THADA: variants seen among roughly 807,000 people sequenced by gnomAD.
The protein encoded by THADA is THADA armadillo repeat containing.
A neutral mutation model predicts 219.8 loss-of-function variants in THADA; 213 were observed. The ratio of observed to expected loss-of-function variants is 0.97; its 90% CI spans 0.87 to 1.09. The LOEUF is 1.09. THADA is among the 50% of genes least tolerant of loss of function. The pLI, the probability that THADA is intolerant of heterozygous loss-of-function variation, is 0.00. For missense variants in THADA, 2,956 were observed against 2,311.3 expected, an observed-to-expected ratio of 1.28 and a Z score of -5.72; for synonymous variants, 1,018 against 828.9, an observed-to-expected ratio of 1.23 and a Z score of -3.92.
At chr2:43,325,427 C>T (rs1008201517) in intron 30 of THADA, among the ~76,000 whole-genome samples, 6 of 152,064 alleles carry the variant, frequency 3.9e-5, no homozygotes, top group African/African-American at 1.4e-4. Context: ...TTCAGTGACA[C>T]AGTCACTGCC....
intron 26 of THADA, among the ~76,000 whole-genome samples, chr2:43,480,116 G>C (rs1327266072): frequency 6.6e-6 from 1 of 152,224 alleles, no homozygotes; most frequent in Non-Finnish European, 1.5e-5. Flanking sequence ...TCTGCAGATG[G>C]AGCTCGCTTT....
intron 26 of THADA, among the ~76,000 whole-genome samples, chr2:43,455,495 C>T (rs1682872796): frequency 1.4e-5 from 2 of 146,350 alleles, no homozygotes; most frequent in Non-Finnish European, 3.0e-5. Flanking sequence ...TGCATAAGCA[C>T]GTGCTCTCGC....
intron 24 of THADA, 150 bp from the exon 25 acceptor site, chr2:43,499,105 C>T: frequency 1.1e-6 from 1 of 876,638 alleles, no homozygotes; most frequent in Non-Finnish European, 1.7e-6. Context: ...TTTAATAAAA[C>T]ACATCCAGTA....
chr2:43,340,129 T>C (rs1404349958), intron 30 of THADA, among the ~76,000 whole-genome samples: 1 of 152,200 alleles, frequency 6.6e-6, no homozygotes, highest in Non-Finnish European at 1.5e-5. Context: ...GTTAGTAAAC[T>C]GCTTTAGACA....
At chr2:43,237,256 G>A (rs1233962884) in intron 36 of THADA, among the ~76,000 whole-genome samples, 3 of 152,086 alleles carry the variant, frequency 2.0e-5, no homozygotes, top group South Asian at 2.1e-4. Flanking sequence ...GGGAAAAAAC[G>A]GTCTTTTCAA....
intron 31 of THADA, among the ~76,000 whole-genome samples, chr2:43,311,631 G>A (rs1677522614): frequency 6.6e-6 from 1 of 152,122 alleles, no homozygotes; most frequent in Non-Finnish European, 1.5e-5. Context: ...CCATCAAACT[G>A]ATGAATGGAT....
chr2:43,330,046 C>T (rs1454111227), intron 30 of THADA, among the ~76,000 whole-genome samples: 1 of 152,208 alleles, frequency 6.6e-6, no homozygotes, highest in East Asian at 1.9e-4. Flanking sequence ...AAGGAAATTA[C>T]AGGCCACACC....
chr2:43,325,490 T>C (rs182693217), intron 30 of THADA, among the ~76,000 whole-genome samples: 83 of 150,968 alleles, frequency 5.5e-4, no homozygotes, highest in South Asian at 2.3e-3. Flanking sequence ...TGTTAGGTTA[T>C]GAAATCAACT....
intron 29 of THADA, among the ~76,000 whole-genome samples, chr2:43,396,515 G>GA (rs1360457669): frequency 1.3e-5 from 2 of 152,124 alleles, no homozygotes; most frequent in Non-Finnish European, 2.9e-5. Flanking sequence ...AACAACCAAG[G>GA]AACGGCCAGG....
intron 25 of THADA, among the ~76,000 whole-genome samples, chr2:43,489,947 G>A (rs899687923): frequency 6.7e-6 from 1 of 149,502 alleles, no homozygotes; most frequent in East Asian, 1.9e-4. Context: ...AATTAATTTG[G>A]GGAATACGTC....
At chr2:43,576,826 T>C (rs1008818539) in intron 10 of THADA, among the ~76,000 whole-genome samples, 196 bp downstream of exon 10, 6 of 152,134 alleles carry the variant, frequency 3.9e-5, no homozygotes, top group Non-Finnish European at 7.4e-5. Flanking sequence ...AGCTAAGTTT[T>C]AAAAGTTTTG....
intron 29 of THADA, among the ~76,000 whole-genome samples, chr2:43,353,265 T>A (rs535825116): frequency 5.9e-5 from 9 of 152,202 alleles, no homozygotes; most frequent in Non-Finnish European, 8.8e-5. Flanking sequence ...CTGTTTTCCA[T>A]CATGGAGGCA....
intron 29 of THADA, among the ~76,000 whole-genome samples, chr2:43,352,457 C>G (rs1668384221): frequency 6.6e-6 from 1 of 151,950 alleles, no homozygotes; most frequent in Non-Finnish European, 1.5e-5. Flanking sequence ...ACTTGGGAGA[C>G]TGAGGCAGGA....
At chr2:43,436,335 T>C (rs962135673) in intron 26 of THADA, among the ~76,000 whole-genome samples, 18 of 152,092 alleles carry the variant, frequency 1.2e-4, no homozygotes, top group South Asian at 2.1e-4. Context: ...ATAAATGGTG[T>C]CTGTTTTTTG....
chr2:43,485,563 C>T (rs1159607523), intron 25 of THADA, among the ~76,000 whole-genome samples: 3 of 152,116 alleles, frequency 2.0e-5, no homozygotes, highest in Non-Finnish European at 4.4e-5. Context: ...TCCTATATTC[C>T]TAATATTACC....
rs866444257 is a variant in THADA, at chr2:43,515,067, T to A, written c.3375-6287A>T. Among the ~76,000 whole-genome samples the A allele has an allele frequency of 5.0e-3, 155 of 30,828 alleles. 5 individuals carry two copies. Among genetic ancestry groups the A allele is most frequent in the African/African-American group, 0.016 (141 of 8,888 alleles). 20.2% of individuals were successfully genotyped at this position (30,828 alleles called of 152,430 possible). On this transcript the variant is annotated intron_variant, in intron 22 of 37. Transcript: ENST00000405975. Reference sequence around the variant, plus strand: ...ATATATATTTTATATATAATATATTTTATATATAATATATATAAATATATA... The same window carrying A: ...ATATATATTTTATATATAATATATTATATATATAATATATATAAATATATA...
intron 35 of THADA, among the ~76,000 whole-genome samples, chr2:43,281,640 C>G (rs1364524170): frequency 6.6e-6 from 1 of 151,936 alleles, no homozygotes; most frequent in Admixed American, 6.6e-5. Context: ...AGGTTTTCAC[C>G]ATGTTGGTCA....
At chr2:43,523,964 T>C (rs1265849231) in intron 22 of THADA, among the ~76,000 whole-genome samples, 1 of 152,206 alleles carries the variant, frequency 6.6e-6, no homozygotes, top group Non-Finnish European at 1.5e-5. Flanking sequence ...AGTCTGTTCA[T>C]TTTCATCAGA....
chr2:43,524,793 T>G (rs1045032832), intron 22 of THADA, among the ~76,000 whole-genome samples: 1 of 152,160 alleles, frequency 6.6e-6, no homozygotes, highest in Non-Finnish European at 1.5e-5. Flanking sequence ...TGAGAAAATC[T>G]TTAAACTAGA....
Sources: allele counts gnomAD v4.1 joint callset (sites outside exome capture counted in the v4.1 genomes callset), GRCh38; gene constraint gnomAD v4.1.1; transcripts MANE v1.5; gene names NCBI Gene and HGNC (gene_info 2026-07-23, HGNC 2026-07-21).